Variants in TPST1 observed in about 807,000 individuals in gnomAD.
TPST1 encodes the protein tyrosylprotein sulfotransferase 1, also known as protein-tyrosine sulfotransferase 1.
Under a neutral mutation model 34.8 loss-of-function variants are expected in TPST1, and 20 were observed. The ratio of observed to expected loss-of-function variants is 0.57; its 90% CI spans 0.40 to 0.84. TPST1 has a LOEUF of 0.84. Ranked by LOEUF, TPST1 falls within the 40% of genes least tolerant of loss-of-function variation. The pLI, the probability that TPST1 is intolerant of heterozygous loss-of-function variation, is 0.00. For missense variants in TPST1, 353 were observed against 455.5 expected, an observed-to-expected ratio of 0.78 and a Z score of 2.05; for synonymous variants, 152 against 159.4, an observed-to-expected ratio of 0.95 and a Z score of 0.35.
At chr7:66,254,026 A>G (rs1240862363) in intron 2 of TPST1, among the ~76,000 whole-genome samples, 1 of 150,546 alleles carries the variant, frequency 6.6e-6, no homozygotes, top group East Asian at 1.9e-4. Context: ...AAAAAGAAAG[A>G]AAGAAAATGG....
chr7:66,221,810 A>ATC (rs1789549248), intron 1 of TPST1, among the ~76,000 whole-genome samples: 1 of 152,202 alleles, frequency 6.6e-6, no homozygotes, highest in African/African-American at 2.4e-5. Context: ...AACAGTTAAT[A>ATC]TCTGTAGGAC....
intron 1 of TPST1, among the ~76,000 whole-genome samples, chr7:66,236,271 A>G (rs1295664663): frequency 1.3e-5 from 2 of 152,196 alleles, no homozygotes; most frequent in Middle Eastern, 3.2e-3. Context: ...CTATGACAAC[A>G]GTTCAGTTTT....
rs779681296 is a variant in TPST1, at chr7:66,257,187, C to T, written c.845+15917C>T. Reference sequence around the variant, plus strand: ...GTTTCAAACTCCTGGGCTCAGCCCCCCAAAGTGCTAGGATTACAGGTGTGA... The same window carrying T: ...GTTTCAAACTCCTGGGCTCAGCCCCTCAAAGTGCTAGGATTACAGGTGTGA... On this transcript the variant is annotated intron_variant, in intron 2 of 5. Transcript: ENST00000304842. Among the ~76,000 whole-genome samples the T allele has an allele frequency of 1.2e-4, 19 of 152,248 alleles. 1 individual carries two copies. The highest frequency in any genetic ancestry group is 1.6e-4 in the Non-Finnish European group (11 of 68,008).
intron 3 of TPST1, among the ~76,000 whole-genome samples, chr7:66,315,221 C>T (rs1455419501): frequency 6.6e-6 from 1 of 152,248 alleles, no homozygotes; most frequent in Non-Finnish European, 1.5e-5. Flanking sequence ...AATGGTGAAG[C>T]ACCCAGTAAC....
intron 2 of TPST1, among the ~76,000 whole-genome samples, chr7:66,271,874 A>G (rs2115807655): frequency 6.6e-6 from 1 of 152,286 alleles, no homozygotes; most frequent in East Asian, 1.9e-4. Context: ...AAAAATTCTA[A>G]AAAGAGAATA....
chr7:66,313,795 T>C (rs993880728), intron 3 of TPST1, among the ~76,000 whole-genome samples: 1 of 152,142 alleles, frequency 6.6e-6, no homozygotes, highest in African/African-American at 2.4e-5. Flanking sequence ...TCTCTCTCTT[T>C]CTCTCTCCTT....
intron 3 of TPST1, among the ~76,000 whole-genome samples, chr7:66,313,147 G>C (rs947023555): frequency 6.6e-6 from 1 of 152,072 alleles, no homozygotes; most frequent in Non-Finnish European, 1.5e-5. Flanking sequence ...CAGGCGCGGT[G>C]GCTCATGCCT....
chr7:66,282,130 T>C (rs1790944626), intron 2 of TPST1, among the ~76,000 whole-genome samples: 1 of 152,196 alleles, frequency 6.6e-6, no homozygotes, highest in African/African-American at 2.4e-5. Flanking sequence ...CGTAGTATGC[T>C]TTAGATCTAA....
At chr7:66,260,237 A>G (rs758944176) in intron 2 of TPST1, among the ~76,000 whole-genome samples, 1 of 152,236 alleles carries the variant, frequency 6.6e-6, no homozygotes, top group African/African-American at 2.4e-5. Context: ...ATAAGTCTAA[A>G]TATGAAATTC....
chr7:66,243,945 T>C (rs1790093106), intron 2 of TPST1, among the ~76,000 whole-genome samples: 1 of 141,480 alleles, frequency 7.1e-6, no homozygotes, highest in East Asian at 2.2e-4. Flanking sequence ...TGGGAAATTT[T>C]TTTTTTTTTT....
At chr7:66,322,238 T>C (rs950832997) in intron 3 of TPST1, among the ~76,000 whole-genome samples, 5 of 152,238 alleles carry the variant, frequency 3.3e-5, no homozygotes, top group African/African-American at 1.2e-4. Context: ...TTTCTTTTCA[T>C]TGTGGTAAGA....
chr7:66,258,682 C>T (rs1485500728), intron 2 of TPST1, among the ~76,000 whole-genome samples: 1 of 152,162 alleles, frequency 6.6e-6, no homozygotes, highest in Non-Finnish European at 1.5e-5. Flanking sequence ...GCCTGCGATG[C>T]GTTTCTGTAT....
chr7:66,207,665 G>C (rs1789158105), intron 1 of TPST1, among the ~76,000 whole-genome samples: 1 of 151,844 alleles, frequency 6.6e-6, no homozygotes, highest in Non-Finnish European at 1.5e-5. Flanking sequence ...GCTTCAAATA[G>C]CACCTATATA....
chr7:66,253,764 G>A (rs530023594), intron 2 of TPST1, among the ~76,000 whole-genome samples: 5 of 151,632 alleles, frequency 3.3e-5, no homozygotes, highest in South Asian at 2.1e-4. Flanking sequence ...TTAGCCAGGC[G>A]CGGTGGCTTA....
At chr7:66,310,130 C>T (rs1470472646) in intron 3 of TPST1, among the ~76,000 whole-genome samples, 1 of 152,180 alleles carries the variant, frequency 6.6e-6, no homozygotes, top group Non-Finnish European at 1.5e-5. Flanking sequence ...ATGTTTCTAG[C>T]AGACCTTTAA....
chr7:66,242,456 A>G (rs185687453), intron 2 of TPST1, among the ~76,000 whole-genome samples: 227 of 152,208 alleles, frequency 1.5e-3, no homozygotes, highest in African/African-American at 5.1e-3. Flanking sequence ...TATGTAGATA[A>G]TCTCAAAGGA....
chr7:66,257,663 C>T (rs895309844), intron 2 of TPST1, among the ~76,000 whole-genome samples: 5 of 152,162 alleles, frequency 3.3e-5, no homozygotes, highest in Non-Finnish European at 7.3e-5. Flanking sequence ...TTGTGAAACT[C>T]ACTGGTGTTC....
intron 2 of TPST1, among the ~76,000 whole-genome samples, chr7:66,265,333 T>C (rs984257482): frequency 1.3e-5 from 2 of 152,088 alleles, no homozygotes; most frequent in African/African-American, 4.8e-5. Context: ...GCAGGTCTCT[T>C]GAGCCCAAGA....
intron 2 of TPST1, among the ~76,000 whole-genome samples, chr7:66,244,083 G>C (rs930478655): frequency 6.6e-6 from 1 of 151,364 alleles, no homozygotes; most frequent in Admixed American, 6.6e-5. Context: ...TGAGTAGGTG[G>C]GACTATAGGT....
Sources: allele counts gnomAD v4.1 joint callset (sites outside exome capture counted in the v4.1 genomes callset), GRCh38; gene constraint gnomAD v4.1.1; transcripts MANE v1.5; gene names NCBI Gene and HGNC (gene_info 2026-07-23, HGNC 2026-07-21).